Variants in GPHN observed in about 807,000 individuals in gnomAD.
GPHN encodes the protein gephyrin.
A neutral mutation model predicts 95.5 loss-of-function variants in GPHN; 17 were observed. The observed-to-expected ratio is 0.18, with a 90% CI of 0.12 to 0.27. GPHN has a LOEUF of 0.27. GPHN is among the 10% of genes least tolerant of loss of function. The probability of loss-of-function intolerance (pLI) is 1.00; values close to 1 mark genes in which losing one functional copy is unlikely to be tolerated. For missense variants in GPHN, 660 were observed against 978.1 expected (o/e 0.67, Z 4.34); for synonymous variants, 320 against 322.5 (o/e 0.99, Z 0.08).
chr14:67,175,690 T>C (rs563211109), intron 21 of GPHN, among the ~76,000 whole-genome samples: 5 of 152,348 alleles, frequency 3.3e-5, no homozygotes, highest in Admixed American at 2.0e-4. Context: ...TTTCATGATA[T>C]TGATTCTTCC....
the GPHN span, chr14:67,304,049 T>A: frequency 6.4e-6 from 1 of 155,322 alleles, no homozygotes; most frequent in East Asian, 1.9e-4. Flanking sequence ...ATTACAGGTG[T>A]GAGCCTTCAC....
chr14:67,483,052 C>A, the GPHN span, among the ~76,000 whole-genome samples: 1 of 151,920 alleles, frequency 6.6e-6, no homozygotes, highest in Non-Finnish European at 1.5e-5. Context: ...ACTTTGTCAC[C>A]CAGGCTGTAG....
intron 5 of GPHN, among the ~76,000 whole-genome samples, chr14:66,881,230 A>G (rs2063914611): frequency 1.3e-5 from 2 of 151,930 alleles, no homozygotes; most frequent in Admixed American, 1.3e-4. Context: ...AAGCAAATAA[A>G]GAATTAAAGT....
the GPHN span, chr14:67,576,619 C>T: frequency 4.3e-5 from 25 of 577,146 alleles, no homozygotes; most frequent in African/African-American, 3.0e-4. This position sits in a 1 kb window ranked among gnomAD's most constrained non-coding sequence, Gnocchi z 4.0. Context: ...AACATCTAAG[C>T]CACAGAGGGG....
At chr14:67,393,045 G>A in the GPHN span, 2 of 971,850 alleles carry the variant, frequency 2.1e-6, no homozygotes, top group South Asian at 1.4e-5. Flanking sequence ...CTGTTGCCCA[G>A]CAGGCAGCTC....
chr14:67,598,798 C>A, the GPHN span, among the ~76,000 whole-genome samples: 1 of 151,792 alleles, frequency 6.6e-6, no homozygotes, highest in Admixed American at 6.6e-5. Flanking sequence ...CTACCTCCAC[C>A]TCCCAGGTTC....
intron 21 of GPHN, among the ~76,000 whole-genome samples, chr14:67,176,527 C>G (rs917817868): frequency 1.3e-5 from 2 of 152,050 alleles, no homozygotes; most frequent in Admixed American, 6.6e-5. Context: ...GGATATTGGC[C>G]TAAAATTCTC....
the GPHN span, among the ~76,000 whole-genome samples, chr14:67,549,245 G>A: frequency 7.3e-5 from 11 of 150,860 alleles, no homozygotes; most frequent in African/African-American, 2.2e-4. Context: ...GTGTGTGTGC[G>A]TGTGTGTGTG....
intron 1 of GPHN, among the ~76,000 whole-genome samples, chr14:66,530,953 ATTT>A (rs569763873): frequency 1.7e-5 from 2 of 121,152 alleles, no homozygotes; most frequent in Non-Finnish European, 1.7e-5. Context: ...TGTTTGTTAG[ATTT>A]TTTTTTTTTT....
At chr14:67,204,441 CAAAA>C in the GPHN span, 1 of 1,397,602 alleles carries the variant, frequency 7.2e-7, no homozygotes, top group South Asian at 1.9e-5. Context: ...GAACTTGTCT[CAAAA>C]CAAACAAACA....
At chr14:66,888,481 C>G (rs2064312911) in intron 5 of GPHN, among the ~76,000 whole-genome samples, 1 of 151,948 alleles carries the variant, frequency 6.6e-6, no homozygotes, top group African/African-American at 2.4e-5. Context: ...AGTATAAGAG[C>G]AGAGGTTTTG....
intron 5 of GPHN, among the ~76,000 whole-genome samples, chr14:66,887,231 C>A (rs1284914839): frequency 1.3e-5 from 2 of 152,168 alleles, no homozygotes; most frequent in Non-Finnish European, 2.9e-5. Context: ...TAGCCATCTT[C>A]TCCCATGTAA....
chr14:67,572,656 A>G, the GPHN span, among the ~76,000 whole-genome samples: 1 of 152,082 alleles, frequency 6.6e-6, no homozygotes, highest in East Asian at 1.9e-4. Flanking sequence ...GCATTGTCTC[A>G]TTTGTCCTCA....
At chr14:66,721,726 G>A (rs148906349) in intron 2 of GPHN, among the ~76,000 whole-genome samples, 1,832 of 152,084 alleles carry the variant, frequency 0.012, 19 homozygotes, top group Non-Finnish European at 0.018. Flanking sequence ...CGAGGCAGGC[G>A]AATCACCTGA....
chr14:66,861,226 G>T (rs1003295099), intron 4 of GPHN, among the ~76,000 whole-genome samples: 5 of 151,992 alleles, frequency 3.3e-5, no homozygotes, highest in African/African-American at 1.2e-4. Context: ...AAAAAGAGCA[G>T]GAGTAGCTAA....
chr14:66,737,204 C>T (rs2072372838), intron 2 of GPHN, among the ~76,000 whole-genome samples: 1 of 151,896 alleles, frequency 6.6e-6, no homozygotes, highest in Admixed American at 6.6e-5. Flanking sequence ...ATCCCCTTTC[C>T]CTTCCCCTTC....
chr14:66,857,336 G>A (rs183553693), intron 4 of GPHN, among the ~76,000 whole-genome samples: 7 of 152,172 alleles, frequency 4.6e-5, no homozygotes, highest in Middle Eastern at 3.4e-3. Context: ...AAATCCTAAC[G>A]GTATAGTGTA....
chr14:66,677,446 A>G (rs2066671340), intron 1 of GPHN, among the ~76,000 whole-genome samples: 1 of 152,016 alleles, frequency 6.6e-6, no homozygotes, highest in South Asian at 2.1e-4. Flanking sequence ...AGTTTTTGGT[A>G]TGCTGTTTCT....
At chr14:66,567,847 C>G (rs932024103) in intron 1 of GPHN, among the ~76,000 whole-genome samples, 19 of 151,968 alleles carry the variant, frequency 1.3e-4, no homozygotes, top group African/African-American at 4.6e-4. Context: ...TGTGGGTATA[C>G]TTATGTACCA....
Sources: gnomAD v4.1 joint callset for allele counts (sites outside exome capture counted in the v4.1 genomes callset) on GRCh38, gnomAD v4.1.1 for gene constraint, Gnocchi (gnomAD v3.1) non-coding constraint, MANE v1.5 for transcripts, NCBI Gene and HGNC (gene_info 2026-07-23, HGNC 2026-07-21) for gene names.